LRRC37A2: variants seen among roughly 807,000 people sequenced by gnomAD.
LRRC37A2 encodes the protein leucine-rich repeat-containing protein 37A2.
Under a neutral mutation model 68.8 loss-of-function variants are expected in LRRC37A2, and 9 were observed. The ratio of observed to expected loss-of-function variants is 0.13; its 90% CI spans 0.08 to 0.23. LRRC37A2 has a LOEUF of 0.23. Ranked by LOEUF, LRRC37A2 falls within the 10% of genes least tolerant of loss-of-function variation. The probability of loss-of-function intolerance (pLI) is 1.00; values close to 1 mark genes in which losing one functional copy is unlikely to be tolerated. For synonymous variants in LRRC37A2, 63 were observed against 367.6 expected (o/e 0.17, Z 9.48); for missense variants, 168 against 950.4 (o/e 0.18, Z 10.82).
the LRRC37A2 span, chr17:46,728,770 A>T: frequency 3.3e-6 from 3 of 919,488 alleles, no homozygotes; most frequent in African/African-American, 3.5e-5. Flanking sequence ...TTTACTTTTG[A>T]TGCAAAAAAA....
chr17:46,971,451 C>T, the LRRC37A2 span, among the ~76,000 whole-genome samples: 1 of 152,164 alleles, frequency 6.6e-6, no homozygotes, highest in Non-Finnish European at 1.5e-5. Context: ...GGCTCTCCTC[C>T]AGTGCTGGGT....
At chr17:46,933,001 A>C in the LRRC37A2 span, 3,774 of 152,418 alleles carry the variant, frequency 0.025, 69 homozygotes, top group Middle Eastern at 0.085. Context: ...CTTGCTTTGC[A>C]ATAAATTTTC....
chr17:46,812,985 C>T, the LRRC37A2 span, among the ~76,000 whole-genome samples: 2 of 152,116 alleles, frequency 1.3e-5, no homozygotes, highest in South Asian at 2.1e-4. Flanking sequence ...CCCTAGTTAC[C>T]CAGGTAGTAC....
chr17:47,043,877 TA>T, the LRRC37A2 span, among the ~76,000 whole-genome samples: 2 of 123,810 alleles, frequency 1.6e-5, no homozygotes, highest in South Asian at 3.3e-4. Context: ...CCGTCTCTAC[TA>T]AAAATACAAA....
the LRRC37A2 span, among the ~76,000 whole-genome samples, chr17:46,773,389 C>T: frequency 1.3e-5 from 2 of 152,152 alleles, no homozygotes; most frequent in East Asian, 1.9e-4. Flanking sequence ...CACAAATGTC[C>T]ACAGCAGGAG....
the LRRC37A2 span, chr17:47,018,873 G>A: frequency 7.2e-6 from 11 of 1,519,490 alleles, no homozygotes; most frequent in Middle Eastern, 2.2e-4. Context: ...CATGACAGAG[G>A]TTGAACTTTC....
the LRRC37A2 span, among the ~76,000 whole-genome samples, chr17:46,945,634 T>C: frequency 6.6e-6 from 1 of 152,286 alleles, no homozygotes; most frequent in African/African-American, 2.4e-5. Flanking sequence ...TTCTCCCTTC[T>C]TTCCAGCCCG....
the LRRC37A2 span, chr17:46,948,699 C>G: frequency 6.6e-6 from 1 of 152,194 alleles, no homozygotes; most frequent in Non-Finnish European, 1.5e-5. Context: ...ATCCCAGGAT[C>G]TTACTGCTGG....
chr17:46,871,676 G>A, the LRRC37A2 span, among the ~76,000 whole-genome samples: 1 of 152,324 alleles, frequency 6.6e-6, no homozygotes, highest in African/African-American at 2.4e-5. Flanking sequence ...AAACCAAGGT[G>A]TCAAGATTGC....
the LRRC37A2 span, chr17:46,751,484 T>C: frequency 6.3e-7 from 1 of 1,582,568 alleles, no homozygotes; most frequent in South Asian, 1.1e-5. Flanking sequence ...GCTTTGATTA[T>C]TGTTTATTGT....
the LRRC37A2 span, among the ~76,000 whole-genome samples, chr17:46,891,729 T>A: frequency 1.3e-5 from 2 of 152,172 alleles, no homozygotes; most frequent in African/African-American, 2.4e-5. Context: ...CCCAGTCTCA[T>A]CCTCTCACTA....
At chr17:46,722,036 T>C in the LRRC37A2 span, 1 of 1,607,138 alleles carries the variant, frequency 6.2e-7, no homozygotes, top group African/African-American at 1.3e-5. Context: ...TGCCGTAATA[T>C]TCAGCTCCCT....
At chr17:46,497,657 A>G in the LRRC37A2 span, among the ~76,000 whole-genome samples, 4 of 150,344 alleles carry the variant, frequency 2.7e-5, no homozygotes, top group South Asian at 2.1e-4. Context: ...ATATGTATCT[A>G]TACTTTCAGT....
At chr17:46,779,359 G>T in the LRRC37A2 span, among the ~76,000 whole-genome samples, 7 of 152,190 alleles carry the variant, frequency 4.6e-5, no homozygotes, top group Admixed American at 2.6e-4. Flanking sequence ...CAGCTGGTGA[G>T]GGGGAGGGCG....
At chr17:46,752,747 T>A in the LRRC37A2 span, among the ~76,000 whole-genome samples, 1 of 152,088 alleles carries the variant, frequency 6.6e-6, no homozygotes, top group Non-Finnish European at 1.5e-5. Flanking sequence ...TGCACCACTA[T>A]GCCTGGCCCT....
At chr17:46,995,189 T>C in the LRRC37A2 span, among the ~76,000 whole-genome samples, 1 of 152,138 alleles carries the variant, frequency 6.6e-6, no homozygotes, top group Non-Finnish European at 1.5e-5. Flanking sequence ...CTAAGCTGGT[T>C]AAGCTCCACG....
chr17:46,882,880 T>C, the LRRC37A2 span, among the ~76,000 whole-genome samples: 1 of 152,044 alleles, frequency 6.6e-6, no homozygotes, highest in Non-Finnish European at 1.5e-5. Flanking sequence ...AGCACTCCAA[T>C]AGGTGGCTCT....
At chr17:46,878,681 G>A in the LRRC37A2 span, among the ~76,000 whole-genome samples, 316 of 152,204 alleles carry the variant, frequency 2.1e-3, 3 homozygotes, top group African/African-American at 7.4e-3. Flanking sequence ...AGTGCTGGGC[G>A]TAAGGCAGCA....
At chr17:46,966,068 A>T in the LRRC37A2 span, among the ~76,000 whole-genome samples, 1 of 152,270 alleles carries the variant, frequency 6.6e-6, no homozygotes, top group Non-Finnish European at 1.5e-5. Context: ...ATCTACTTAT[A>T]ATATGTCTAA....
Sources: gnomAD v4.1 joint callset for allele counts (sites outside exome capture counted in the v4.1 genomes callset) on GRCh38, gnomAD v4.1.1 for gene constraint, MANE v1.5 for transcripts, NCBI Gene and HGNC (gene_info 2026-07-23, HGNC 2026-07-21) for gene names.